Variants in GTF3C1 observed in about 807,000 individuals in gnomAD.
The protein encoded by GTF3C1 is general transcription factor 3C polypeptide 1.
In GTF3C1, 57 loss-of-function variants were observed where a neutral mutation model predicts 226.7. That is an observed-to-expected ratio of 0.25 (90% CI 0.20 to 0.31). The LOEUF is 0.31. Among genes scored for constraint, GTF3C1 ranks in the 10% least tolerant of loss-of-function variants. GTF3C1 has a pLI of 1.00. For missense variants in GTF3C1, 2,217 were observed against 2,776.1 expected (o/e 0.80, Z 4.53); for synonymous variants, 1,090 against 1,084.8 (o/e 1.00, Z -0.09).
Position 27,549,683 on chromosome 16 carries a change from GTAGGTCGGGTC to G in GTF3C1, c.197_207del (p.Arg66ProfsTer7). ...CCGCCCGCTGACCGGTCCTGGAGCT[GTAGGTCGGGTC>G]GCTCCCGAGGCTCCTCATAGAAGCT... On this transcript the variant is annotated frameshift_variant, in exon 1 of 37. Coordinates refer to ENST00000356183, the MANE Select transcript of GTF3C1 (RefSeq NM_001520.4). LOFTEE classifies it high-confidence loss of function. 1 of 1,577,136 alleles carries G rather than the reference GTAGGTCGGGTC, an allele frequency of 6.3e-7. No homozygotes were observed. Among genetic ancestry groups the G allele is most frequent in the Non-Finnish European group, 8.6e-7 (1 of 1,162,506 alleles).
At chr16:27,502,600 C>A (rs1278926253) in intron 11 of GTF3C1, among the ~76,000 whole-genome samples, 2 of 152,188 alleles carry the variant, frequency 1.3e-5, no homozygotes, top group Non-Finnish European at 2.9e-5. Flanking sequence ...CTGCTTCCTG[C>A]TCAGTCATTT....
At chr16:27,465,583 C>T (rs752049176) in intron 32 of GTF3C1, 43 bp from the exon 33 acceptor site, 43 of 1,504,076 alleles carry the variant, frequency 2.9e-5, no homozygotes, top group Non-Finnish European at 3.8e-5. Context: ...CCGACAGAGG[C>T]CCCCCTCCCC....
chr16:27,498,732 A>AC lies in GTF3C1; in HGVS notation c.2062dup (p.Val688GlyfsTer37). The AC allele has an allele frequency of 6.6e-7, 1 of 1,513,324 alleles. No homozygotes were observed. The highest frequency in any genetic ancestry group is 9.2e-7 in the Non-Finnish European group (1 of 1,088,028). 93.7% of individuals were successfully genotyped at this position (1,513,324 alleles called of 1,614,324 possible). A position where few individuals can be genotyped will look rare whatever the true frequency, so the allele number is the denominator to read the frequency against. The stretch of plus-strand genomic sequence containing the variant: ...CATGGACGGGTGCACCACCAGATCC[A>AC]CCTGGAGAGAGAGGTTGGAGCATCC... On this transcript the variant is annotated frameshift_variant and splice_region_variant, in exon 13 of 37. Coordinates refer to ENST00000356183, the MANE Select transcript of GTF3C1 (RefSeq NM_001520.4). LOFTEE classifies it high-confidence loss of function.
chr16:27,496,827 A>C (rs1023111217), intron 14 of GTF3C1, among the ~76,000 whole-genome samples: 3 of 152,270 alleles, frequency 2.0e-5, no homozygotes, highest in African/African-American at 7.2e-5. Flanking sequence ...CAGGACAGGC[A>C]GTCAGAAGGC....
intron 4 of GTF3C1, among the ~76,000 whole-genome samples, chr16:27,534,827 C>T (rs1029139579): frequency 1.3e-5 from 2 of 151,094 alleles, no homozygotes; most frequent in Non-Finnish European, 2.9e-5. Context: ...TTGAACTGGC[C>T]GGGTCCACTT....
chr16:27,478,339 C>A (rs888078917), intron 28 of GTF3C1, 130 bp downstream of exon 28: 2 of 692,728 alleles, frequency 2.9e-6, no homozygotes, highest in Non-Finnish European at 5.3e-6. Flanking sequence ...TGGCTGTATG[C>A]CAGTAAAATT....
At chr16:27,527,002 C>T (rs2141435599) in intron 6 of GTF3C1, among the ~76,000 whole-genome samples, 1 of 152,296 alleles carries the variant, frequency 6.6e-6, no homozygotes, top group African/African-American at 2.4e-5. Context: ...CCCAGGAGTT[C>T]AAGACCAGCC....
intron 28 of GTF3C1, among the ~76,000 whole-genome samples, chr16:27,477,735 G>C (rs1175706639): frequency 2.0e-5 from 3 of 152,188 alleles, no homozygotes; most frequent in African/African-American, 7.2e-5. Flanking sequence ...TCAACAGTAG[G>C]CTATCAGTGG....
chr16:27,498,184 C>G (rs1227443954), intron 13 of GTF3C1, among the ~76,000 whole-genome samples: 1 of 152,260 alleles, frequency 6.6e-6, no homozygotes, highest in East Asian at 1.9e-4. Context: ...ATCCCACAAA[C>G]TATCATGTGC....
chr16:27,545,329 A>T lies in GTF3C1; in HGVS notation c.416T>A (p.Val139Glu). ...TKSLQPRCTM[V>E]EAFDRWGKKL... ...AAATAGTTACCTGTCAAAGGCTTCC[A>T]CCATTGTACAGCGAGGCTGCAAGGA... Residue 139 changes from valine to glutamate, a missense_variant, in exon 2 of 37, where the codon GTG (valine) becomes GAG (glutamate). Val to Glu is a moderately radical substitution (Grantham distance 121). This residue lies in a region of GTF3C1 where 192 missense variants were observed against 251.8 expected (regional missense o/e 0.76). Transcript: ENST00000356183. 6.2e-7 allele frequency: 1 copy of T among 1,612,680 alleles called. No individual in the cohort carries two copies. Among genetic ancestry groups the T allele is most frequent in the Non-Finnish European group, 8.5e-7 (1 of 1,178,674 alleles).
In GTF3C1 at chr16:27,471,934, C is replaced by A; in HGVS notation, c.4354-14G>T. ...GAGGCGGAAAGTCTGCAACACAGGG[C>A]GGCGAGGGTGAGTAGGGTTCTCCAG... On this transcript the variant is annotated splice_polypyrimidine_tract_variant and intron_variant, in intron 29 of 36. Transcript: ENST00000356183. The surrounding 1 kb of genome is among the most constrained non-coding windows in gnomAD (Gnocchi z 5.0). The A allele has an allele frequency of 6.2e-7, 1 of 1,613,172 alleles. No homozygotes were observed. Among genetic ancestry groups the A allele is most frequent in the Non-Finnish European group, 8.5e-7 (1 of 1,179,336 alleles).
At position 27,502,294 on chromosome 16, in the gene GTF3C1, G is replaced by A. The variant is rs144750262; in HGVS notation, c.1907+565C>T. On this transcript the variant is annotated intron_variant, in intron 11 of 36. Coordinates refer to ENST00000356183, the MANE Select transcript of GTF3C1 (RefSeq NM_001520.4). ...ATGGAGGGTAAGGCTCCTCCTCACCGAGTGGCTCTCACATTGGGTGCCTCA... is the reference window on the plus strand; with the variant it reads ...ATGGAGGGTAAGGCTCCTCCTCACCAAGTGGCTCTCACATTGGGTGCCTCA... Among the ~76,000 whole-genome samples the A allele has an allele frequency of 5.8e-4, 88 of 152,146 alleles. 1 individual carries two copies. The highest frequency in any genetic ancestry group is 2.5e-4 in the Non-Finnish European group (17 of 67,990).
At position 27,463,131 on chromosome 16, in the gene GTF3C1, C is replaced by G. The variant is rs1311995836; in HGVS notation, c.5924+410G>C. On this transcript the variant is annotated intron_variant, in intron 35 of 36. Coordinates refer to ENST00000356183, the MANE Select transcript of GTF3C1 (RefSeq NM_001520.4). This position sits in a 1 kb window ranked among gnomAD's most constrained non-coding sequence, Gnocchi z 4.9. ...CCCACCAGAGGGGCTTCTGCGGCCC[C>G]CTTGCTTCCTGTAACTCTGTGGCAT... is the stretch of plus-strand genomic sequence containing the variant. 3 of 211,166 alleles carry G rather than the reference C, an allele frequency of 1.4e-5. No homozygotes were observed. The highest frequency in any genetic ancestry group is 2.8e-5 in the Non-Finnish European group (3 of 107,658). 13.1% of individuals were successfully genotyped at this position (211,166 alleles called of 1,614,324 possible).
rs146731658 is a variant in GTF3C1 at position 27,461,458 on chromosome 16, G to A, written c.6222C>T (p.Ser2074=). 2.4e-5 allele frequency: 38 copies of A among 1,613,666 alleles called. No individual in the cohort carries two copies. Among genetic ancestry groups the A allele is most frequent in the Middle Eastern group, 1.6e-4 (1 of 6,084 alleles). Residue 2074 remains serine (S), a synonymous_variant, in exon 37 of 37, where the codon AGC becomes AGT. Transcript: ENST00000356183. The surrounding 1 kb of genome is among the most constrained non-coding windows in gnomAD (Gnocchi z 5.3). ...PVVEEVEVPS[S]LDESPMAFYE... is the part of the protein sequence containing the mutation. ...AGAAAGCCATGGGGCTCTCGTCCAG[G>A]CTGGAGGGCACTTCCACCTCTTCCA...
chr16:27,527,739 C>T (rs117321417), intron 6 of GTF3C1, among the ~76,000 whole-genome samples: 206 of 152,224 alleles, frequency 1.4e-3, no homozygotes, highest in Middle Eastern at 0.01. Flanking sequence ...TGGTAGCCCA[C>T]GCCTGTAATC....
intron 23 of GTF3C1, among the ~76,000 whole-genome samples, 188 bp downstream of exon 23, chr16:27,488,039 G>A (rs1201179262): frequency 1.3e-5 from 2 of 152,140 alleles, no homozygotes; most frequent in African/African-American, 4.8e-5. Context: ...GGATATTCGA[G>A]TCTCTCTCAT....
chr16:27,462,203 T>C lies in GTF3C1; in HGVS notation c.6117+91A>G, dbSNP rs1029010944. The C allele has an allele frequency of 2.3e-6, 2 of 862,912 alleles. No homozygotes were observed. Among genetic ancestry groups the C allele is most frequent in the Non-Finnish European group, 3.6e-6 (2 of 552,784 alleles). 53.5% of individuals were successfully genotyped at this position (862,912 alleles called of 1,614,324 possible). Reference sequence around the variant, plus strand: ...GTGCAGGCAAGCAGTATGGTGGTACTGCATGTTGCCTGGGGCCTGAACATC... The same window carrying C: ...GTGCAGGCAAGCAGTATGGTGGTACCGCATGTTGCCTGGGGCCTGAACATC... On this transcript the variant is annotated intron_variant, in intron 36 of 36. Transcript: ENST00000356183. This position sits in a 1 kb window ranked among gnomAD's most constrained non-coding sequence, Gnocchi z 4.5.
chr16:27,468,835 A>C (rs1189094457), intron 32 of GTF3C1, among the ~76,000 whole-genome samples: 1 of 152,254 alleles, frequency 6.6e-6, no homozygotes, highest in Non-Finnish European at 1.5e-5. Flanking sequence ...GGAGATCATG[A>C]ATGTGAGCGG....
chr16:27,506,743 G>T, intron 9 of GTF3C1, 104 bp downstream of exon 9: 1 of 756,106 alleles, frequency 1.3e-6, no homozygotes, highest in Non-Finnish European at 2.1e-6. Flanking sequence ...CATTAGGATG[G>T]CACCAAGGGC....
Sources: gnomAD v4.1 joint callset for allele counts (sites outside exome capture counted in the v4.1 genomes callset) on GRCh38, gnomAD v4.1.1 for gene constraint, gnomAD v4.1.1 regional missense constraint, Gnocchi (gnomAD v3.1) non-coding constraint, MANE v1.5 for transcripts, NCBI Gene and HGNC (gene_info 2026-07-23, HGNC 2026-07-21) for gene names.